DAAM1: variants seen among roughly 807,000 people sequenced by gnomAD.
DAAM1 encodes the protein dishevelled associated activator of morphogenesis 1.
DAAM1 carries 52 observed loss-of-function variants against 130.0 expected under a neutral mutation model. The ratio of observed to expected loss-of-function variants is 0.40; its 90% CI spans 0.32 to 0.50. The LOEUF (loss-of-function observed/expected upper bound fraction) is 0.50, where lower values mean the gene tolerates loss of function less well. Ranked by LOEUF, DAAM1 falls within the 20% of genes least tolerant of loss-of-function variation. DAAM1 has a pLI of 0.61. For synonymous variants in DAAM1, 452 were observed against 444.5 expected, an observed-to-expected ratio of 1.02 and a Z score of -0.21; for missense variants, 1,134 against 1,303.8, an observed-to-expected ratio of 0.87 and a Z score of 2.01.
chr14:59,331,479 A>G lies in DAAM1; in HGVS notation c.1831A>G (p.Lys611Glu). The G allele has an allele frequency of 6.2e-7, 1 of 1,610,588 alleles. No homozygotes were observed. The highest frequency in any genetic ancestry group is 8.5e-7 in the Non-Finnish European group (1 of 1,178,092). The stretch of plus-strand genomic sequence containing the variant: ...CATTCCTCAGCCCACAAATGCCCTG[A>G]AATCCTTCAACTGGTCTAAACTGCC... ...KSIPQPTNAL[K>E]SFNWSKLPEN... Residue 611 changes from lysine to glutamate, a missense_variant, in exon 14 of 25, where the codon AAA becomes GAA. Around this residue, in one of 3 missense-constraint regions of DAAM1, gnomAD observed 644 missense variants for 695.9 expected, o/e 0.93. Coordinates refer to ENST00000360909, the MANE Select transcript of DAAM1 (RefSeq NM_001270520.2).
chr14:59,366,531 T>TATTAGTTTTATGTCTA (rs1359557711), intron 23 of DAAM1, among the ~76,000 whole-genome samples: 1 of 152,208 alleles, frequency 6.6e-6, no homozygotes, highest in Non-Finnish European at 1.5e-5. Context: ...CTGAGTTTGC[T>TATTAGTTTTATGTCTA]ATTAGTTTTA....
chr14:59,360,991 G>A, intron 22 of DAAM1, 129 bp downstream of exon 22: 1 of 717,950 alleles, frequency 1.4e-6, no homozygotes, highest in East Asian at 3.1e-5. Flanking sequence ...TAAAAAATAA[G>A]AACCACCACC....
intron 2 of DAAM1, among the ~76,000 whole-genome samples, chr14:59,267,631 C>T (rs1882504760): frequency 6.6e-6 from 1 of 152,036 alleles, no homozygotes; most frequent in African/African-American, 2.4e-5. Flanking sequence ...TAGCAATCAC[C>T]CTAGCATGTG....
chr14:59,360,819 A>G lies in DAAM1; in HGVS notation c.2651A>G (p.Lys884Arg). 6.2e-7 allele frequency: 1 copy of G among 1,613,986 alleles called. No homozygotes were observed. Among genetic ancestry groups the G allele is most frequent in the Non-Finnish European group, 8.5e-7 (1 of 1,179,946 alleles). Residue 884 changes from lysine (K) to arginine (R), a missense_variant, in exon 22 of 25, where the codon AAA becomes AGA. Lys to Arg is a conservative substitution (Grantham distance 26). Coordinates refer to ENST00000360909, the MANE Select transcript of DAAM1 (RefSeq NM_001270520.2). Reference sequence around the variant, plus strand: ...TACAACAGCATGACTGAGCTGGACAAAGAAATAAGTACCTTGAGAAGTGGC... The same window carrying G: ...TACAACAGCATGACTGAGCTGGACAGAGAAATAAGTACCTTGAGAAGTGGC... ...AAKVNMTELD[K>R]EISTLRSGLK...
At chr14:59,268,323 A>G (rs896053992) in intron 2 of DAAM1, among the ~76,000 whole-genome samples, 9 of 152,236 alleles carry the variant, frequency 5.9e-5, no homozygotes, top group Admixed American at 1.3e-4. Context: ...AAGTTTTTGC[A>G]TAGATATATG....
chr14:59,232,388 T>C (rs1167547073), intron 1 of DAAM1, among the ~76,000 whole-genome samples: 6 of 152,176 alleles, frequency 3.9e-5, no homozygotes, highest in Non-Finnish European at 5.9e-5. Context: ...ACTTCCTTTA[T>C]TCTTGAATCT....
intron 17 of DAAM1, among the ~76,000 whole-genome samples, chr14:59,347,972 T>G (rs938819666): frequency 6.6e-6 from 1 of 152,146 alleles, no homozygotes; most frequent in Non-Finnish European, 1.5e-5. Flanking sequence ...ACTGTGAGAT[T>G]GCAAACCATA....
In DAAM1 at chr14:59,370,831, ATTCTTTTCT is replaced by A. The variant is rs1386783658; in HGVS notation, c.*1973_*1981del. 1 of 152,152 alleles carries A rather than the reference ATTCTTTTCT, an allele frequency of 6.6e-6. No homozygotes were observed. The highest frequency in any genetic ancestry group is 2.1e-4 in the South Asian group (1 of 4,822). 9.4% of individuals were successfully genotyped at this position (152,152 alleles called of 1,614,324 possible). A position where few individuals can be genotyped will look rare whatever the true frequency, so the allele number is the denominator to read the frequency against. ...CCTTAACTAAAGTGCCTCTATGTAT[ATTCTTTTCT>A]ATTTGTAGCAGGATAAATTTGGTCT... is the stretch of plus-strand genomic sequence containing the variant. On this transcript the variant is annotated 3_prime_UTR_variant, in exon 25 of 25. Transcript: ENST00000360909.
intron 15 of DAAM1, chr14:59,338,323 G>T (rs547308610): frequency 6.4e-7 from 1 of 1,550,466 alleles, no homozygotes; most frequent in African/African-American, 1.4e-5. Context: ...CCCATTTGTT[G>T]CTGTGACTTC....
rs1594857805 is a variant in DAAM1, at chr14:59,369,041, G to C, written c.*182G>C. On this transcript the variant is annotated 3_prime_UTR_variant, in exon 25 of 25. Coordinates refer to ENST00000360909, the MANE Select transcript of DAAM1 (RefSeq NM_001270520.2). ...TATTAAAAAATGTATATAGATGTCT[G>C]AGTGTTGTCTGGAGACCTATACGTA... 1 of 587,356 alleles carries C rather than the reference G, an allele frequency of 1.7e-6. No individual in the cohort carries two copies. Among genetic ancestry groups the C allele is most frequent in the Non-Finnish European group, 3.0e-6 (1 of 338,464 alleles). 36.4% of individuals were successfully genotyped at this position (587,356 alleles called of 1,614,324 possible). A position where few individuals can be genotyped will look rare whatever the true frequency, so the allele number is the denominator to read the frequency against.
intron 1 of DAAM1, among the ~76,000 whole-genome samples, chr14:59,231,749 A>G (rs1391896246): frequency 1.6e-4 from 24 of 152,198 alleles, no homozygotes; most frequent in Admixed American, 1.6e-3. Context: ...AGTGCCTGGC[A>G]TACAGTATGT....
Position 59,263,482 on chromosome 14 carries a change from C to A in DAAM1, c.5C>A (p.Ala2Asp). 1.2e-6 allele frequency: 2 copies of A among 1,614,188 alleles called. No individual in the cohort carries two copies. The highest frequency in any genetic ancestry group is 2.2e-5 in the East Asian group (1 of 44,892). The change falls in exon 2 of 25, where the codon GCC becomes GAC. Residue 2 changes from alanine to aspartate, a missense_variant. Physicochemically the swap from Ala to Asp is moderately radical, Grantham distance 126 (BLOSUM62 -2). This residue lies in a region of DAAM1 where 99 missense variants were observed against 86.4 expected (regional missense o/e 1.15). Coordinates refer to ENST00000360909, the MANE Select transcript of DAAM1 (RefSeq NM_001270520.2). M[A>D]PRKRGGRGIS... ...GAAATAGAACAGAATTCAGCCATGG[C>A]CCCAAGAAAGAGAGGTGGACGAGGT...
At chr14:59,292,017 C>T (rs1883758724) in intron 3 of DAAM1, among the ~76,000 whole-genome samples, 1 of 152,152 alleles carries the variant, frequency 6.6e-6, no homozygotes, top group South Asian at 2.1e-4. Flanking sequence ...CACCAGGCAT[C>T]ACTCCATGGT....
rs769569469 is a variant in DAAM1 at position 59,352,672 on chromosome 14, C to T, written c.2267+40C>T. ...GCTGGGAATGTGAAGATGTCACTTC[C>T]CTTTCTAAGCTTCATGAATTTTCAA... is the stretch of plus-strand genomic sequence containing the variant. On this transcript the variant is annotated intron_variant, in intron 18 of 24. Transcript: ENST00000360909. 2.0e-6 allele frequency: 3 copies of T among 1,526,416 alleles called. No individual in the cohort carries two copies. In the South Asian group the frequency reaches 3.6e-5, roughly 18 times the overall value. The allele number at this position is 1,526,416 out of a possible 1,614,324, so 94.6% of individuals were successfully genotyped here.
At chr14:59,202,568 A>G (rs1888138970) in intron 1 of DAAM1, among the ~76,000 whole-genome samples, 1 of 152,214 alleles carries the variant, frequency 6.6e-6, no homozygotes, top group East Asian at 1.9e-4. Flanking sequence ...AGAATGCTGT[A>G]TGTTCTTAGA....
intron 1 of DAAM1, among the ~76,000 whole-genome samples, chr14:59,190,548 T>G (rs899979263): frequency 5.9e-5 from 9 of 152,158 alleles, no homozygotes; most frequent in Non-Finnish European, 1.3e-4. Context: ...CTGCAGTCCC[T>G]TGTGGTTCTC....
chr14:59,218,726 G>C (rs963689510), intron 1 of DAAM1, among the ~76,000 whole-genome samples: 1 of 152,114 alleles, frequency 6.6e-6, no homozygotes, highest in Non-Finnish European at 1.5e-5. Flanking sequence ...GGGAGCTAGA[G>C]TTTATTTTGG....
intron 3 of DAAM1, among the ~76,000 whole-genome samples, chr14:59,294,917 T>G (rs1883896625): frequency 6.6e-6 from 1 of 152,208 alleles, no homozygotes; most frequent in Non-Finnish European, 1.5e-5. Flanking sequence ...GGTGTATACA[T>G]GTATTATGCT....
intron 1 of DAAM1, among the ~76,000 whole-genome samples, chr14:59,258,399 A>G (rs1882007685): frequency 6.6e-6 from 1 of 152,088 alleles, no homozygotes; most frequent in African/African-American, 2.4e-5. Flanking sequence ...TGGCCCCTCA[A>G]ACTTCTGTCT....
Sources: allele counts gnomAD v4.1 joint callset (sites outside exome capture counted in the v4.1 genomes callset), GRCh38; gene constraint gnomAD v4.1.1; regional missense constraint gnomAD v4.1.1; transcripts MANE v1.5; gene names NCBI Gene and HGNC (gene_info 2026-07-23, HGNC 2026-07-21).